NALCN: variants seen among roughly 807,000 people sequenced by gnomAD.
NALCN encodes sodium leak channel NALCN.
A neutral mutation model predicts 225.3 loss-of-function variants in NALCN; 111 were observed. The observed-to-expected ratio is 0.49, with a 90% CI of 0.42 to 0.58. The LOEUF is 0.58. Ranked by LOEUF, NALCN falls within the 20% of genes least tolerant of loss-of-function variation. The pLI, the probability that NALCN is intolerant of heterozygous loss-of-function variation, is 0.00. For missense variants in NALCN, 1,378 were observed against 2,202.4 expected (o/e 0.63, Z 7.49); for synonymous variants, 764 against 769.0 (o/e 0.99, Z 0.11).
At chr13:101,346,826 G>T (rs546079771) in intron 6 of NALCN, among the ~76,000 whole-genome samples, 26 of 152,094 alleles carry the variant, frequency 1.7e-4, no homozygotes, top group Non-Finnish European at 3.7e-4. Context: ...CACACAGATT[G>T]AGCAGACGCC....
intron 9 of NALCN, among the ~76,000 whole-genome samples, chr13:101,284,266 C>A (rs947913363): frequency 2.0e-5 from 3 of 152,154 alleles, no homozygotes; most frequent in Non-Finnish European, 4.4e-5. Context: ...CTTGCATATG[C>A]TTTGCATATA....
intron 10 of NALCN, among the ~76,000 whole-genome samples, chr13:101,272,737 G>A (rs1395349830): frequency 6.6e-6 from 1 of 152,180 alleles, no homozygotes; most frequent in East Asian, 1.9e-4. Context: ...TGTGGGAATG[G>A]GCTGGGGAGA....
intron 11 of NALCN, among the ~76,000 whole-genome samples, chr13:101,245,004 C>A (rs969054471): frequency 5.4e-5 from 7 of 129,474 alleles, no homozygotes; most frequent in Non-Finnish European, 1.1e-4. Flanking sequence ...GCCTGGAGGG[C>A]TCCCACCAAA....
chr13:101,231,033 T>C lies in NALCN; in HGVS notation c.1435-1449A>G, dbSNP rs559121576. On this transcript the variant is annotated intron_variant, in intron 12 of 43. Coordinates refer to ENST00000251127, the MANE Select transcript of NALCN (RefSeq NM_052867.4). Reference sequence around the variant, plus strand: ...CAATGTAGTCATACACTGTACAGGTTTGTAGCCTAGGAGCAATAGGCCATA... The same window carrying C: ...CAATGTAGTCATACACTGTACAGGTCTGTAGCCTAGGAGCAATAGGCCATA... 1.6e-4 allele frequency among the ~76,000 whole-genome samples: 25 copies of C among 152,270 alleles called. No homozygotes were observed. The East Asian group carries it at 4.8e-3, about 29-fold the overall frequency.
intron 3 of NALCN, among the ~76,000 whole-genome samples, chr13:101,392,170 C>T (rs2047166843): frequency 6.6e-6 from 1 of 152,060 alleles, no homozygotes; most frequent in Admixed American, 6.6e-5. Flanking sequence ...TCTGAGAGTG[C>T]TCAGACTATT....
At chr13:101,227,369 C>A (rs1442074591) in intron 13 of NALCN, among the ~76,000 whole-genome samples, 1 of 152,114 alleles carries the variant, frequency 6.6e-6, no homozygotes, top group Non-Finnish European at 1.5e-5. Flanking sequence ...CGAGAATGAC[C>A]CTTCTTGCCA....
At chr13:101,279,596 C>G (rs951687044) in intron 10 of NALCN, among the ~76,000 whole-genome samples, 2 of 151,690 alleles carry the variant, frequency 1.3e-5, no homozygotes, top group African/African-American at 4.8e-5. Context: ...GCGGGCGGAT[C>G]ACGAGGTCAG....
At chr13:101,167,822 G>C (rs1020739055) in intron 15 of NALCN, among the ~76,000 whole-genome samples, 1 of 147,436 alleles carries the variant, frequency 6.8e-6, no homozygotes, top group African/African-American at 2.5e-5. Flanking sequence ...CTAAGGAAAA[G>C]GTTGAGACTC....
chr13:101,292,585 TAAA>T lies in NALCN; in HGVS notation c.800-222_800-220del, dbSNP rs1179136640. On this transcript the variant is annotated intron_variant, in intron 7 of 43. Coordinates refer to ENST00000251127, the MANE Select transcript of NALCN (RefSeq NM_052867.4). The surrounding 1 kb of genome is among the most constrained non-coding windows in gnomAD (Gnocchi z 4.3). Reference sequence around the variant, plus strand: ...CCAGGGTAATTTCAACATCTAACAATAAAATAATTTGATATTATACCTTTAGCT... The same window carrying T: ...CCAGGGTAATTTCAACATCTAACAATATAATTTGATATTATACCTTTAGCT... Among the ~76,000 whole-genome samples, 1 of 152,138 alleles carries T rather than the reference TAAA, an allele frequency of 6.6e-6. No individual in the cohort carries two copies. The highest frequency in any genetic ancestry group is 2.4e-5 in the African/African-American group (1 of 41,426).
chr13:101,354,705 G>A (rs572772171), intron 6 of NALCN, among the ~76,000 whole-genome samples: 54 of 152,308 alleles, frequency 3.5e-4, no homozygotes, highest in African/African-American at 1.2e-3. Flanking sequence ...ATTAGAAATT[G>A]TGAATATAAA....
rs757302974 is a variant in NALCN at position 101,107,480 on chromosome 13, T to G, written c.2579+7A>C. Reference sequence around the variant, plus strand: ...CCAAACACCTGGCTGAAATGAAGTGTACTTACGCGTTGAAGCGTGCTCGGA... The same window carrying G: ...CCAAACACCTGGCTGAAATGAAGTGGACTTACGCGTTGAAGCGTGCTCGGA... On this transcript the variant is annotated splice_region_variant and intron_variant, in intron 22 of 43. Transcript: ENST00000251127. 1.9e-6 allele frequency: 3 copies of G among 1,613,902 alleles called. No homozygotes were observed. Among genetic ancestry groups the G allele is most frequent in the Non-Finnish European group, 2.5e-6 (3 of 1,179,934 alleles).
At chr13:101,256,417 A>T (rs1009947184) in intron 11 of NALCN, among the ~76,000 whole-genome samples, 3 of 152,142 alleles carry the variant, frequency 2.0e-5, no homozygotes, top group Non-Finnish European at 4.4e-5. Context: ...ACCTGAAAAA[A>T]ATCCCTAAAG....
At chr13:101,224,359 T>C (rs74120417) in intron 13 of NALCN, among the ~76,000 whole-genome samples, 2,295 of 152,320 alleles carry the variant, frequency 0.015, 50 homozygotes, top group African/African-American at 0.052. Flanking sequence ...CTATGGTACC[T>C]ATGGCTTCAA....
intron 21 of NALCN, 42 bp downstream of exon 21, chr13:101,107,656 C>T (rs778313214): frequency 9.9e-6 from 16 of 1,613,824 alleles, no homozygotes; most frequent in Non-Finnish European, 1.4e-5. Context: ...GAAATTTTGC[C>T]ATTCCCGAAT....
rs2047261263 is a variant in NALCN, at chr13:101,395,373, G to T, written c.109-8C>A. The T allele has an allele frequency of 6.2e-7, 1 of 1,612,444 alleles. No homozygotes were observed. The highest frequency in any genetic ancestry group is 8.5e-7 in the Non-Finnish European group (1 of 1,179,208). On this transcript the variant is annotated splice_polypyrimidine_tract_variant and splice_region_variant and intron_variant, in intron 2 of 43. Coordinates refer to ENST00000251127, the MANE Select transcript of NALCN (RefSeq NM_052867.4). ...CAGCAAAGAGTGAACCCACTGCAAT[G>T]ATGGTCCAGAGTTACTACACGGCAC... is the stretch of plus-strand genomic sequence containing the variant.
At position 101,120,521 on chromosome 13, in the gene NALCN, A is replaced by C. The variant is rs558965546; in HGVS notation, c.2192+4087T>G. 0.011 allele frequency among the ~76,000 whole-genome samples: 802 copies of C among 73,998 alleles called. 11 individuals carry two copies. In the African/African-American group the frequency reaches 0.13, roughly 12 times the overall value. The allele number at this position is 73,998 out of a possible 152,430, so 48.5% of individuals were successfully genotyped here. ...CCCAATGGGGATCAATGCCAAACTTAAAAAAAAAAAAAAACCACTATAAAA... is the reference window on the plus strand; with the variant it reads ...CCCAATGGGGATCAATGCCAAACTTCAAAAAAAAAAAAAACCACTATAAAA... On this transcript the variant is annotated intron_variant, in intron 18 of 43. Transcript: ENST00000251127.
chr13:101,181,406 C>T (rs1182334015), intron 14 of NALCN: 1 of 497,974 alleles, frequency 2.0e-6, no homozygotes, highest in African/African-American at 2.0e-5. Context: ...AGTTCTGGGG[C>T]TTTTTGTGTG....
intron 17 of NALCN, among the ~76,000 whole-genome samples, chr13:101,138,026 G>A (rs1313829359): frequency 1.3e-5 from 2 of 152,126 alleles, no homozygotes; most frequent in Non-Finnish European, 2.9e-5. Context: ...GCATACCTTT[G>A]CATATATGTC....
intron 9 of NALCN, among the ~76,000 whole-genome samples, chr13:101,289,944 C>T (rs1399153498): frequency 6.6e-6 from 1 of 152,158 alleles, no homozygotes; most frequent in South Asian, 2.1e-4. Flanking sequence ...GCCTGAAGCT[C>T]GTTGCTAGGC....
Sources: gnomAD v4.1 joint callset for allele counts (sites outside exome capture counted in the v4.1 genomes callset) on GRCh38, gnomAD v4.1.1 for gene constraint, Gnocchi (gnomAD v3.1) non-coding constraint, MANE v1.5 for transcripts, NCBI Gene and HGNC (gene_info 2026-07-23, HGNC 2026-07-21) for gene names.